The following XRCC3 variants were observed in gnomAD, a reference collection of about 807,000 sequenced individuals.
XRCC3 encodes DNA repair protein XRCC3.
Under a neutral mutation model 29.2 loss-of-function variants are expected in XRCC3, and 34 were observed. The observed-to-expected ratio is 1.16, with a 90% CI of 0.88 to 1.55. The LOEUF (loss-of-function observed/expected upper bound fraction) is 1.55. Among genes scored for constraint, XRCC3 ranks in the 40% most tolerant of loss-of-function variants. The pLI, the probability that XRCC3 is intolerant of heterozygous loss-of-function variation, is 0.00. For missense variants in XRCC3, 463 were observed against 467.6 expected (o/e 0.99, Z 0.09); for synonymous variants, 223 against 211.3 (o/e 1.06, Z -0.48).
Position 103,700,598 on chromosome 14 carries a change from G to A in XRCC3, c.562-1022C>T, listed in dbSNP as rs140279200. On this transcript the variant is annotated intron_variant, in intron 7 of 9. Coordinates refer to ENST00000555055, the MANE Select transcript of XRCC3 (RefSeq NM_005432.4). ...CTGGTGTCACGCCCGGAGCTCTGAA[G>A]ACGCCTGAGGGCCGCCTGCACGCCC... is the stretch of plus-strand genomic sequence containing the variant. 1.4e-4 allele frequency: 201 copies of A among 1,428,996 alleles called. No homozygotes were observed. In the African/African-American group the frequency reaches 2.5e-3, roughly 18 times the overall value. The allele number at this position is 1,428,996 out of a possible 1,614,324, so 88.5% of individuals were successfully genotyped here. A position where few individuals can be genotyped will look rare whatever the true frequency, so the allele number is the denominator to read the frequency against.
Position 103,708,605 on chromosome 14 carries a change from CTCTT to C in XRCC3, c.106_109del (p.Lys36AspfsTer2). ...CTCGGGGCTGGAGAGGTTGGTCAGTCTCTTCAAGTCTGGTCCAGAAAAGTGTAAA... is the reference window on the plus strand; with the variant it reads ...CTCGGGGCTGGAGAGGTTGGTCAGTCCAAGTCTGGTCCAGAAAAGTGTAAA... On this transcript the variant is annotated frameshift_variant, in exon 5 of 10. Coordinates refer to ENST00000555055, the MANE Select transcript of XRCC3 (RefSeq NM_005432.4). LOFTEE classifies it high-confidence loss of function. The C allele has an allele frequency of 6.2e-7, 1 of 1,614,216 alleles. No individual in the cohort carries two copies. Among genetic ancestry groups the C allele is most frequent in the Non-Finnish European group, 8.5e-7 (1 of 1,180,042 alleles).
At chr14:103,703,990 T>TA (rs1461152559) in intron 6 of XRCC3, 1 of 155,886 alleles carries the variant, frequency 6.4e-6, no homozygotes, top group Non-Finnish European at 1.4e-5. Context: ...CCTAGGTAGA[T>TA]ACCCAAGAGA....
Position 103,711,234 on chromosome 14 carries a change from G to A in XRCC3, c.-147C>T, listed in dbSNP as rs1006002468. On this transcript the variant is annotated 5_prime_UTR_variant, in exon 4 of 10. Transcript: ENST00000555055. The stretch of plus-strand genomic sequence containing the variant: ...CAGCAGCCGAGGTGTCCGTGTCATC[G>A]GGGCTCTGTCACTGAGGGTGGAGGA... The A allele has an allele frequency of 1.2e-5, 10 of 825,732 alleles. No individual in the cohort carries two copies. Among genetic ancestry groups the A allele is most frequent in the Middle Eastern group, 2.2e-4 (1 of 4,602 alleles). 51.2% of individuals were successfully genotyped at this position (825,732 alleles called of 1,614,324 possible).
intron 6 of XRCC3, chr14:103,706,190 CTGGGGATGACGCTGACCTGAGGG>C (rs1395798997): frequency 1.3e-5 from 5 of 390,506 alleles, no homozygotes; most frequent in Non-Finnish European, 2.0e-5. Flanking sequence ...ACCCTGGGTC[CTGGGGATGACGCTGACCTGAGGG>C]TGGCAGAGGT....
chr14:103,701,513 C>T (rs1485265973), intron 7 of XRCC3: 7 of 372,984 alleles, frequency 1.9e-5, no homozygotes, highest in Non-Finnish European at 3.4e-5. Context: ...TTTTATTGTA[C>T]ATTTTTTTAA....
intron 7 of XRCC3, chr14:103,699,841 C>T (rs1567049419): frequency 1.9e-6 from 1 of 530,200 alleles, no homozygotes. Context: ...CACCCCTTGG[C>T]TGTGCCAACA....
At chr14:103,706,061 C>T (rs1188528009) in intron 6 of XRCC3, 3 of 303,264 alleles carry the variant, frequency 9.9e-6, no homozygotes, top group African/African-American at 2.2e-5. Flanking sequence ...ACAAAAATGC[C>T]TGTGGCGTGA....
intron 5 of XRCC3, chr14:103,708,104 G>A (rs79992295): frequency 0.01 from 3,438 of 328,534 alleles, 49 homozygotes; most frequent in Non-Finnish European, 0.014. Flanking sequence ...CCGTCCAGGC[G>A]CATGGGGTTC....
At chr14:103,714,734 C>CA (rs1490440105) in intron 1 of XRCC3, among the ~76,000 whole-genome samples, 1 of 152,168 alleles carries the variant, frequency 6.6e-6, no homozygotes, top group South Asian at 2.1e-4. Flanking sequence ...GGCTGGAGTG[C>CA]AGTAATGTGA....
Position 103,703,882 on chromosome 14 carries a change from C to T in XRCC3, c.407-555G>A, listed in dbSNP as rs892884398. 5 of 174,812 alleles carry T rather than the reference C, an allele frequency of 2.9e-5. No individual in the cohort carries two copies. In the South Asian group the frequency reaches 5.2e-4, roughly 18 times the overall value. The allele number at this position is 174,812 out of a possible 1,614,324, so 10.8% of individuals were successfully genotyped here. On this transcript the variant is annotated intron_variant, in intron 6 of 9. Transcript: ENST00000555055. ...TGTGTAGGAGGCAGACCCCTGACCC[C>T]TGTGCACTGCCGCTAGGAATGTAAA...
In XRCC3 at chr14:103,698,751, G is replaced by T. The variant is rs376407692; in HGVS notation, c.*47C>A. On this transcript the variant is annotated 3_prime_UTR_variant, in exon 10 of 10. Coordinates refer to ENST00000555055, the MANE Select transcript of XRCC3 (RefSeq NM_005432.4). ...GACGCGTTTTAAAGGCCCGAGCCCC[G>T]TGTGTCGGGGCTTCTCAGGCAGGGC... 3 of 1,532,514 alleles carry T rather than the reference G, an allele frequency of 2.0e-6. No homozygotes were observed. Among genetic ancestry groups the T allele is most frequent in the Middle Eastern group, 2.2e-4 (1 of 4,524 alleles). 94.9% of individuals were successfully genotyped at this position (1,532,514 alleles called of 1,614,324 possible).
intron 6 of XRCC3, chr14:103,706,222 G>A (rs1454179261): frequency 2.3e-6 from 1 of 433,392 alleles, no homozygotes; most frequent in African/African-American, 2.0e-5. Flanking sequence ...GGTGGCAGAG[G>A]TGAGGTTCCC....
rs759485767 is a variant in XRCC3 at position 103,711,061 on chromosome 14, A to T, written c.27T>A (p.Asn9Lys). MDLDLLDL[N>K]PRIIAAIKKA... Reference sequence around the variant, plus strand: ...TCTTAATTGCAGCAATAATTCTGGGATTCAGGTCCAGTAGATCCAAATCCA... The same window carrying T: ...TCTTAATTGCAGCAATAATTCTGGGTTTCAGGTCCAGTAGATCCAAATCCA... Residue 9 changes from asparagine (N) to lysine (K), a missense_variant, in exon 4 of 10, where the codon AAT (asparagine) becomes AAA (lysine). By Grantham distance (94) the Asn-to-Lys change is moderately conservative. Coordinates refer to ENST00000555055, the MANE Select transcript of XRCC3 (RefSeq NM_005432.4). The T allele has an allele frequency of 3.1e-6, 5 of 1,614,196 alleles. No homozygotes were observed. Among genetic ancestry groups the T allele is most frequent in the Middle Eastern group, 1.6e-4 (1 of 6,062 alleles).
chr14:103,711,202 G>C lies in XRCC3; in HGVS notation c.-115C>G. ...AAGCCTGTGGGAGGCCCGAACCAGG[G>C]AAGTGACAGCAGCCGAGGTGTCCGT... On this transcript the variant is annotated 5_prime_UTR_variant, in exon 4 of 10. Transcript: ENST00000555055. 8.6e-7 allele frequency: 1 copy of C among 1,157,336 alleles called. No individual in the cohort carries two copies. The highest frequency in any genetic ancestry group is 1.3e-6 in the Non-Finnish European group (1 of 778,946). The allele number at this position is 1,157,336 out of a possible 1,614,324, so 71.7% of individuals were successfully genotyped here. A position where few individuals can be genotyped will look rare whatever the true frequency, so the allele number is the denominator to read the frequency against.
chr14:103,708,513 C>T lies in XRCC3; in HGVS notation c.193+9G>A. ...GTCACCCCTGGCAGAGATGCCAGGG[C>T]CCACCTACCTGTAAGGATGCTGCTT... On this transcript the variant is annotated intron_variant, in intron 5 of 9. Coordinates refer to ENST00000555055, the MANE Select transcript of XRCC3 (RefSeq NM_005432.4). The T allele has an allele frequency of 8.1e-6, 13 of 1,613,654 alleles. No homozygotes were observed. Among genetic ancestry groups the T allele is most frequent in the African/African-American group, 1.3e-5 (1 of 75,038 alleles).
intron 1 of XRCC3, among the ~76,000 whole-genome samples, chr14:103,714,970 C>T (rs1450878405): frequency 6.6e-6 from 1 of 152,266 alleles, no homozygotes; most frequent in African/African-American, 2.4e-5. Context: ...AGGCGTGAGC[C>T]ACCGCGCCCG....
intron 7 of XRCC3, chr14:103,701,411 C>T (rs1384087562): frequency 1.4e-5 from 7 of 501,486 alleles, no homozygotes; most frequent in Middle Eastern, 5.1e-4. Context: ...TGCCCTGGTG[C>T]GGCGTGGTCT....
chr14:103,701,294 G>T, intron 7 of XRCC3: 1 of 1,337,562 alleles, frequency 7.5e-7, no homozygotes, highest in South Asian at 1.3e-5. Flanking sequence ...GCCCCTGGCC[G>T]GGAGCCGCAG....
intron 6 of XRCC3, chr14:103,706,227 G>T: frequency 2.3e-6 from 1 of 438,318 alleles, no homozygotes; most frequent in Non-Finnish European, 4.6e-6. Context: ...CAGAGGTGAG[G>T]TTCCCAGCCA....
Sources: allele counts gnomAD v4.1 joint callset (sites outside exome capture counted in the v4.1 genomes callset), GRCh38; gene constraint gnomAD v4.1.1; transcripts MANE v1.5; gene names NCBI Gene and HGNC (gene_info 2026-07-23, HGNC 2026-07-21).